The following MUC5AC variants were observed in gnomAD, a reference collection of about 807,000 sequenced individuals.
The protein encoded by MUC5AC is mucin 5AC, oligomeric mucus/gel-forming.
MUC5AC carries 158 observed loss-of-function variants against 169.7 expected under a neutral mutation model. The ratio of observed to expected loss-of-function variants is 0.93; its 90% CI spans 0.82 to 1.06. The LOEUF (loss-of-function observed/expected upper bound fraction) is 1.06. Ranked by LOEUF, MUC5AC falls within the 50% of genes least tolerant of loss-of-function variation. The pLI, the probability that MUC5AC is intolerant of heterozygous loss-of-function variation, is 0.00. For synonymous variants in MUC5AC, 1,975 were observed against 1,237.0 expected (o/e 1.60, Z -12.52); for missense variants, 4,359 against 3,089.9 (o/e 1.41, Z -9.74).
At chr11:1,168,800 G>A (rs1427997798) in intron 14 of MUC5AC, 21 bp downstream of exon 14, 2 of 1,586,282 alleles carry the variant, frequency 1.3e-6, no homozygotes, top group Admixed American at 3.4e-5. Context: ...TGCCTTCTGG[G>A]CTTGGAGCCC....
At chr11:1,159,692 CGGGGCTGTGTGGGGCTGTGT>C (rs1326667470) in intron 1 of MUC5AC, among the ~76,000 whole-genome samples, 1 of 105,506 alleles carries the variant, frequency 9.5e-6, no homozygotes, top group African/African-American at 3.5e-5. Context: ...TGGTTCTGTG[CGGGGCTGTGTGGGGCTGTGT>C]GGGGCTGTGC....
chr11:1,175,518 C>T (rs1860648918), intron 19 of MUC5AC, among the ~76,000 whole-genome samples: 1 of 150,110 alleles, frequency 6.7e-6, no homozygotes, highest in African/African-American at 2.5e-5. Flanking sequence ...CACACGCTGA[C>T]ACGCCCACTC....
At chr11:1,168,342 G>A in intron 12 of MUC5AC, 141 bp from the exon 13 acceptor site, 1 of 771,868 alleles carries the variant, frequency 1.3e-6, no homozygotes, top group South Asian at 1.6e-5. Flanking sequence ...CAGAAAATCA[G>A]GCGAGCACAA....
rs746433243 is a variant in MUC5AC at position 1,191,709 on chromosome 11, A to G, written c.13564A>G (p.Thr4522Ala). ...TPSPVPTTST[T>A]SAPTTSTTSA... ...CAGCCCTGTTCCCACCACCAGCACAACCTCTGCTCCTACAACCAGCACAAC... is the reference window on the plus strand; with the variant it reads ...CAGCCCTGTTCCCACCACCAGCACAGCCTCTGCTCCTACAACCAGCACAAC... The change falls in exon 31 of 49, where the codon ACC (threonine) becomes GCC (alanine). Residue 4522 changes from threonine (T) to alanine (A), a missense_variant. Thr to Ala is a moderately conservative substitution (Grantham distance 58). Coordinates refer to ENST00000621226, the MANE Select transcript of MUC5AC (RefSeq NM_001304359.2). 1,838 of 701,936 alleles carry G rather than the reference A, an allele frequency of 2.6e-3. 38 individuals are homozygous for G. The African/African-American group carries it at 0.032, about 12-fold the overall frequency. The allele number at this position is 701,936 out of a possible 1,614,324, so 43.5% of individuals were successfully genotyped here. A position where few individuals can be genotyped will look rare whatever the true frequency, so the allele number is the denominator to read the frequency against.
In MUC5AC at chr11:1,192,270, C is replaced by T. The variant is rs1316787952; in HGVS notation, c.14125C>T (p.Gln4709Ter). The change falls in exon 31 of 49, where the codon CAG becomes TAG. Residue 4709 changes from glutamine (Q) to a stop codon, truncating the protein, a stop_gained. Transcript: ENST00000621226. LOFTEE classifies it high-confidence loss of function. ...CCTGGTGTGCCGGAACCAGGACCAGCAGGGACCCTTCAAGATGTGCCTCAA... is the reference window on the plus strand; with the variant it reads ...CCTGGTGTGCCGGAACCAGGACCAGTAGGGACCCTTCAAGATGTGCCTCAA... Reference protein sequence around the residue: ...EGLVCRNQDQQGPFKMCLNYE... With the variant: ...EGLVCRNQDQ 1 of 765,124 alleles carries T rather than the reference C, an allele frequency of 1.3e-6. No homozygotes were observed. Among genetic ancestry groups the T allele is most frequent in the Non-Finnish European group, 2.4e-6 (1 of 417,904 alleles). 47.4% of individuals were successfully genotyped at this position (765,124 alleles called of 1,614,324 possible).
rs1564915477 is a variant in MUC5AC, at chr11:1,189,625, C to T, written c.11480C>T (p.Pro3827Leu). 2 of 624,506 alleles carry T rather than the reference C, an allele frequency of 3.2e-6. No homozygotes were observed. Among genetic ancestry groups the T allele is most frequent in the South Asian group, 3.8e-5 (2 of 52,778 alleles). The allele number at this position is 624,506 out of a possible 1,614,324, so 38.7% of individuals were successfully genotyped here. Residue 3827 changes from proline to leucine, a missense_variant, in exon 31 of 49, where the codon CCT becomes CTT. Transcript: ENST00000621226. ...CCGCAGACCAGCACAACCTCTTCCC[C>T]TACAACTAGCACAACCTCAGCTCCT... Reference protein sequence around the residue: ...STPQTSTTSSPTTSTTSAPTT... With the variant: ...STPQTSTTSSLTTSTTSAPTT...
rs1357552857 is a variant in MUC5AC, at chr11:1,177,553, G to A, written c.3007G>A (p.Val1003Met). The change falls in exon 24 of 49, where the codon GTG becomes ATG. Residue 1003 changes from valine (V) to methionine (M), a missense_variant. Val to Met is a conservative substitution (Grantham distance 21). Transcript: ENST00000621226. The stretch of plus-strand genomic sequence containing the variant: ...CATCCGGCAGATGGGCATCTACCTG[G>A]TGGTGGACACCGACATTGGCCTGGT... ...YTIRQMGIYL[V>M]VDTDIGLVLL... 2.5e-6 allele frequency: 1 copy of A among 398,670 alleles called. No homozygotes were observed. The highest frequency in any genetic ancestry group is 4.4e-5 in the Admixed American group (1 of 22,726). 24.7% of individuals were successfully genotyped at this position (398,670 alleles called of 1,614,324 possible). A position where few individuals can be genotyped will look rare whatever the true frequency, so the allele number is the denominator to read the frequency against.
At position 1,181,154 on chromosome 11, in the gene MUC5AC, C is replaced by T. The variant is rs1346447758; in HGVS notation, c.3792C>T (p.Arg1264=). The T allele has an allele frequency of 1.8e-5, 7 of 398,544 alleles. No homozygotes were observed. The highest frequency in any genetic ancestry group is 1.1e-4 in the East Asian group (3 of 28,068). The allele number at this position is 398,544 out of a possible 1,614,324, so 24.7% of individuals were successfully genotyped here. A position where few individuals can be genotyped will look rare whatever the true frequency, so the allele number is the denominator to read the frequency against. The change falls in exon 29 of 49, where the codon CGC becomes CGT. Residue 1264 remains arginine (R), a synonymous_variant. Coordinates refer to ENST00000621226, the MANE Select transcript of MUC5AC (RefSeq NM_001304359.2). Reference sequence around the variant, plus strand: ...TTGTCTCCAGCCTTTGTACGGAGCGCGGCGTGGAGTGCACCTACAAAGCTG... The same window carrying T: ...TTGTCTCCAGCCTTTGTACGGAGCGTGGCGTGGAGTGCACCTACAAAGCTG... ...KNCQSCLCTE[R]GVECTYKAEA...
intron 2 of MUC5AC, among the ~76,000 whole-genome samples, chr11:1,161,021 C>T (rs986675198): frequency 2.0e-5 from 3 of 152,176 alleles, no homozygotes; most frequent in Non-Finnish European, 2.9e-5. Flanking sequence ...CACCTCCTGA[C>T]GCTTCAGCAA....
chr11:1,186,124 C>T lies in MUC5AC; in HGVS notation c.7979C>T (p.Pro2660Leu). 1.3e-6 allele frequency: 1 copy of T among 746,252 alleles called. No individual in the cohort carries two copies. Among genetic ancestry groups the T allele is most frequent in the African/African-American group, 1.7e-5 (1 of 58,710 alleles). The allele number at this position is 746,252 out of a possible 1,614,324, so 46.2% of individuals were successfully genotyped here. The stretch of plus-strand genomic sequence containing the variant: ...ACAACCTCTGGTCCTGGAACTACTC[C>T]CAGCCCTGTTCCTACCACCAGCACA... ...TSTTSGPGTT[P>L]SPVPTTSTIS... Residue 2660 changes from proline to leucine, a missense_variant, in exon 31 of 49, where the codon CCC becomes CTC. Coordinates refer to ENST00000621226, the MANE Select transcript of MUC5AC (RefSeq NM_001304359.2).
chr11:1,188,444 C>T lies in MUC5AC; in HGVS notation c.10299C>T (p.Ala3433=), dbSNP rs1861006781. The T allele has an allele frequency of 3.1e-6, 2 of 635,066 alleles. No homozygotes were observed. The highest frequency in any genetic ancestry group is 1.7e-5 in the South Asian group (1 of 59,722). 39.3% of individuals were successfully genotyped at this position (635,066 alleles called of 1,614,324 possible). A position where few individuals can be genotyped will look rare whatever the true frequency, so the allele number is the denominator to read the frequency against. ...CTCGTACAACCAGCATAATCTCTGC[C>T]CCTACAACCAGCACAACCTCTTCCC... is the stretch of plus-strand genomic sequence containing the variant. The part of the protein sequence containing the change: ...ISARTTSIIS[A]PTTSTTSSPT... The change falls in exon 31 of 49, where the codon GCC becomes GCT. Residue 3433 remains alanine (A), a synonymous_variant. Coordinates refer to ENST00000621226, the MANE Select transcript of MUC5AC (RefSeq NM_001304359.2).
chr11:1,198,830 C>T (rs1861348769), intron 43 of MUC5AC, 44 bp from the exon 44 acceptor site: 1 of 697,674 alleles, frequency 1.4e-6, no homozygotes, highest in African/African-American at 1.7e-5. Context: ...CGGGTCTCCC[C>T]AGGGCCCAAG....
intron 30 of MUC5AC, 60 bp from the exon 31 acceptor site, chr11:1,182,095 G>C (rs1419640752): frequency 4.1e-6 from 1 of 246,370 alleles, no homozygotes; most frequent in African/African-American, 1.4e-4. Context: ...CCGCAGGGAG[G>C]GGCGGGCGGC....
intron 43 of MUC5AC, 46 bp downstream of exon 43, chr11:1,198,351 T>C (rs1861338018): frequency 1.4e-6 from 1 of 721,114 alleles, no homozygotes; most frequent in Admixed American, 1.9e-5. Flanking sequence ...GGGACGGAGC[T>C]TCCCACTGAC....
At position 1,190,748 on chromosome 11, in the gene MUC5AC, A is replaced by T. The variant is rs1427884729; in HGVS notation, c.12603A>T (p.Thr4201=). ...CAATCTCTTCCCCTACAAGCAGCACAACCTCCACTCCACAGACCAGCAAAA... is the reference window on the plus strand; with the variant it reads ...CAATCTCTTCCCCTACAAGCAGCACTACCTCCACTCCACAGACCAGCAAAA... The part of the protein sequence containing the change: ...TSTISSPTSS[T]TSTPQTSKTS... The change falls in exon 31 of 49, where the codon ACA becomes ACT. Residue 4201 remains threonine, a synonymous_variant. Coordinates refer to ENST00000621226, the MANE Select transcript of MUC5AC (RefSeq NM_001304359.2). 1 of 703,792 alleles carries T rather than the reference A, an allele frequency of 1.4e-6. No individual in the cohort carries two copies. Among genetic ancestry groups the T allele is most frequent in the Non-Finnish European group, 2.6e-6 (1 of 385,688 alleles). The allele number at this position is 703,792 out of a possible 1,614,324, so 43.6% of individuals were successfully genotyped here.
rs760773751 is a variant in MUC5AC at position 1,162,176 on chromosome 11, T to C, written c.473+8T>C. On this transcript the variant is annotated splice_region_variant and intron_variant, in intron 4 of 48. Transcript: ENST00000621226. Reference sequence around the variant, plus strand: ...CCTGGTCAACGGCCACCCGTGAGTCTGGGTTCTGGGATGGTGGGGGCCACG... The same window carrying C: ...CCTGGTCAACGGCCACCCGTGAGTCCGGGTTCTGGGATGGTGGGGGCCACG... The C allele has an allele frequency of 1.2e-6, 2 of 1,607,676 alleles. No individual in the cohort carries two copies. Among genetic ancestry groups the C allele is most frequent in the South Asian group, 2.2e-5 (2 of 90,948 alleles).
At chr11:1,198,471 C>T (rs1297822608) in intron 43 of MUC5AC, among the ~76,000 whole-genome samples, 166 bp downstream of exon 43, 1 of 151,330 alleles carries the variant, frequency 6.6e-6, no homozygotes, top group African/African-American at 2.4e-5. Flanking sequence ...CCGAGGTCGG[C>T]CCCAGGTCCC....
Position 1,194,531 on chromosome 11 carries a change from CG to C in MUC5AC, c.15053del (p.Gly5018AlafsTer77), listed in dbSNP as rs1242883082. The C allele has an allele frequency of 1.3e-6, 1 of 763,342 alleles. No homozygotes were observed. The highest frequency in any genetic ancestry group is 2.4e-6 in the Non-Finnish European group (1 of 416,782). The allele number at this position is 763,342 out of a possible 1,614,324, so 47.3% of individuals were successfully genotyped here. ...TGGTCAGCCCCGGCTTCCGGAAAAA[CG>C]GCATCGTGGTCTCGCGCATCGGCGT... ...KVVSPGFRKN[G>X]IVVSRIGVKM... On this transcript the variant is annotated frameshift_variant, in exon 35 of 49. Transcript: ENST00000621226. LOFTEE classifies it high-confidence loss of function.
Position 1,189,892 on chromosome 11 carries a change from G to A in MUC5AC, c.11747G>A (p.Gly3916Glu), listed in dbSNP as rs1861047588. 2.6e-6 allele frequency: 2 copies of A among 764,908 alleles called. No homozygotes were observed. Among genetic ancestry groups the A allele is most frequent in the South Asian group, 2.7e-5 (2 of 74,596 alleles). 47.4% of individuals were successfully genotyped at this position (764,908 alleles called of 1,614,324 possible). ...ACAAGCAGCACAACCTCCGGTTCTG[G>A]AACTACTCCCAGCCCCGTTCCCACC... ...AATSSTTSGSGTTPSPVPTTS... is the reference protein window; with the variant it reads ...AATSSTTSGSETTPSPVPTTS... Residue 3916 changes from glycine (G) to glutamate (E), a missense_variant, in exon 31 of 49, where the codon GGA becomes GAA. Gly to Glu is a moderately conservative substitution (Grantham distance 98, BLOSUM62 -2). Coordinates refer to ENST00000621226, the MANE Select transcript of MUC5AC (RefSeq NM_001304359.2).
Sources: gnomAD v4.1 joint callset for allele counts (sites outside exome capture counted in the v4.1 genomes callset) on GRCh38, gnomAD v4.1.1 for gene constraint, MANE v1.5 for transcripts, NCBI Gene and HGNC (gene_info 2026-07-23, HGNC 2026-07-21) for gene names.